Variants in TMCO4 observed in about 807,000 individuals in gnomAD.
The protein encoded by TMCO4 is transmembrane and coiled-coil domain-containing protein 4.
Under a neutral mutation model 64.7 loss-of-function variants are expected in TMCO4, and 58 were observed. The ratio of observed to expected loss-of-function variants is 0.90; its 90% CI spans 0.73 to 1.12. The LOEUF is 1.12. Among genes scored for constraint, TMCO4 ranks in the 50% most tolerant of loss-of-function variants. The pLI, the probability that TMCO4 is intolerant of heterozygous loss-of-function variation, is 0.00. For synonymous variants in TMCO4, 325 were observed against 346.1 expected, an observed-to-expected ratio of 0.94 and a Z score of 0.68; for missense variants, 780 against 825.9, an observed-to-expected ratio of 0.94 and a Z score of 0.68.
At chr1:19,741,747 T>C (rs1460623936) in intron 10 of TMCO4, among the ~76,000 whole-genome samples, 1 of 151,058 alleles carries the variant, frequency 6.6e-6, no homozygotes, top group Non-Finnish European at 1.5e-5. Context: ...TCTTTCTTTT[T>C]TTTTTTTGAG....
chr1:19,784,176 T>A (rs1176880903), intron 3 of TMCO4, among the ~76,000 whole-genome samples: 5 of 152,134 alleles, frequency 3.3e-5, no homozygotes, highest in Non-Finnish European at 7.4e-5. Context: ...AGCTTTCTGA[T>A]CAGGGAAGGG....
At chr1:19,690,419 T>C (rs2050120) in intron 15 of TMCO4, among the ~76,000 whole-genome samples, 121,656 of 152,246 alleles carry the variant, frequency 0.8, 48,860 homozygotes, top group African/African-American at 0.85. Context: ...TTCAGGGTTG[T>C]GGGTACCCCT....
intron 6 of TMCO4, among the ~76,000 whole-genome samples, chr1:19,769,056 G>A (rs2042869804): frequency 6.6e-6 from 1 of 152,218 alleles, no homozygotes. Flanking sequence ...TGAGAAAGCA[G>A]CTCATCCGCC....
intron 13 of TMCO4, among the ~76,000 whole-genome samples, chr1:19,708,715 C>G (rs888910303): frequency 3.3e-5 from 5 of 152,132 alleles, no homozygotes; most frequent in African/African-American, 9.7e-5. Flanking sequence ...TATCCCAGGG[C>G]CTGCTCCTTT....
intron 10 of TMCO4, among the ~76,000 whole-genome samples, chr1:19,741,386 G>A (rs1457912792): frequency 4.6e-5 from 7 of 152,216 alleles, no homozygotes; most frequent in African/African-American, 1.7e-4. Context: ...GCAGCACAGC[G>A]CTGTGAGTCT....
chr1:19,707,733 C>T (rs2095309652), intron 13 of TMCO4, among the ~76,000 whole-genome samples: 1 of 152,208 alleles, frequency 6.6e-6, no homozygotes, highest in African/African-American at 2.4e-5. Flanking sequence ...GCTAGAAAGA[C>T]CTACCTGAGA....
At chr1:19,728,387 G>T (rs2095417216) in intron 13 of TMCO4, among the ~76,000 whole-genome samples, 1 of 152,170 alleles carries the variant, frequency 6.6e-6, no homozygotes, top group Non-Finnish European at 1.5e-5. Flanking sequence ...TGCAAAAACT[G>T]GGCAGAGAGC....
intron 2 of TMCO4, among the ~76,000 whole-genome samples, chr1:19,797,899 AGAGGGAGGGAGAGAGGGAGG>A (rs1557642913): frequency 6.1e-5 from 8 of 131,578 alleles, no homozygotes; most frequent in African/African-American, 2.2e-4. Context: ...AGAGAGAGAG[AGAGGGAGGGAGAGAGGGAGG>A]GAGGGAGGGA....
At chr1:19,718,665 A>AAAAAAG (rs1450808804) in intron 13 of TMCO4, among the ~76,000 whole-genome samples, 2 of 146,308 alleles carry the variant, frequency 1.4e-5, no homozygotes, top group African/African-American at 5.4e-5. Flanking sequence ...AAAAAAAAAA[A>AAAAAAG]AGAGAGAGAG....
intron 7 of TMCO4, among the ~76,000 whole-genome samples, chr1:19,748,210 C>T (rs929983150): frequency 2.0e-4 from 31 of 152,196 alleles, no homozygotes; most frequent in African/African-American, 6.0e-4. Flanking sequence ...AGCATGGCGG[C>T]GGGCACACTG....
intron 15 of TMCO4, 110 bp from the exon 16 acceptor site, chr1:19,683,554 A>C: frequency 2.4e-6 from 3 of 1,253,826 alleles, no homozygotes; most frequent in Non-Finnish European, 3.3e-6. Context: ...ATCCACAGCC[A>C]ACGAATCACC....
At chr1:19,790,572 G>C (rs1421539913) in intron 2 of TMCO4, among the ~76,000 whole-genome samples, 1 of 152,042 alleles carries the variant, frequency 6.6e-6, no homozygotes, top group South Asian at 2.1e-4. Flanking sequence ...CAACATCACT[G>C]ATCATTAGAG....
chr1:19,760,203 G>T (rs1224984625), intron 6 of TMCO4, among the ~76,000 whole-genome samples: 1 of 151,398 alleles, frequency 6.6e-6, no homozygotes, highest in African/African-American at 2.4e-5. Flanking sequence ...ATCTTGCTAT[G>T]TTGCCCAGGC....
chr1:19,693,509 T>A (rs2095214198), intron 15 of TMCO4, among the ~76,000 whole-genome samples: 1 of 151,974 alleles, frequency 6.6e-6, no homozygotes, highest in Non-Finnish European at 1.5e-5. Context: ...GAAAAGAAAT[T>A]CAAGTTGGGT....
At chr1:19,708,523 A>G (rs972162476) in intron 13 of TMCO4, among the ~76,000 whole-genome samples, 3 of 152,148 alleles carry the variant, frequency 2.0e-5, no homozygotes, top group Non-Finnish European at 4.4e-5. Flanking sequence ...GAAACTAAAC[A>G]TTCTTAAAAT....
At chr1:19,699,263 T>C (rs1336456835) in intron 14 of TMCO4, among the ~76,000 whole-genome samples, 1 of 152,006 alleles carries the variant, frequency 6.6e-6, no homozygotes. Flanking sequence ...TTATCATTTA[T>C]TGGGCACCTA....
chr1:19,706,052 C>T (rs1193552634), intron 13 of TMCO4, among the ~76,000 whole-genome samples: 1 of 152,158 alleles, frequency 6.6e-6, no homozygotes, highest in Non-Finnish European at 1.5e-5. Flanking sequence ...AGGTGTCTGT[C>T]ATCATCACAC....
intron 7 of TMCO4, among the ~76,000 whole-genome samples, chr1:19,755,291 A>G (rs1570911732): frequency 6.6e-6 from 1 of 152,036 alleles, no homozygotes; most frequent in Admixed American, 6.6e-5. Flanking sequence ...GTGCCCGGCT[A>G]ATTTTTGTAT....
intron 4 of TMCO4, among the ~76,000 whole-genome samples, chr1:19,775,757 G>A (rs2101044989): frequency 6.6e-6 from 1 of 152,342 alleles, no homozygotes; most frequent in African/African-American, 2.4e-5. Context: ...AAAGGGAACA[G>A]CATCTGTGAT....
Sources: gnomAD v4.1 joint callset for allele counts (sites outside exome capture counted in the v4.1 genomes callset) on GRCh38, gnomAD v4.1.1 for gene constraint, MANE v1.5 for transcripts, NCBI Gene and HGNC (gene_info 2026-07-23, HGNC 2026-07-21) for gene names.